Variants in TLE2 observed in about 807,000 individuals in gnomAD.
TLE2 encodes the protein transducin-like enhancer protein 2.
In TLE2, 74 loss-of-function variants were observed where a neutral mutation model predicts 97.2. The observed-to-expected ratio is 0.76, with a 90% CI of 0.63 to 0.92. The LOEUF (loss-of-function observed/expected upper bound fraction) is 0.92, where lower values mean the gene tolerates loss of function less well. TLE2 is among the 40% of genes least tolerant of loss of function. TLE2 has a pLI of 0.00. For synonymous variants in TLE2, 499 were observed against 432.1 expected (o/e 1.15, Z -1.92); for missense variants, 1,038 against 1,008.7 (o/e 1.03, Z -0.39).
At chr19:3,043,492 T>C (rs2090119835) in intron 1 of TLE2, among the ~76,000 whole-genome samples, 1 of 151,768 alleles carries the variant, frequency 6.6e-6, no homozygotes, top group African/African-American at 2.4e-5. Flanking sequence ...TCTGCAGCTT[T>C]TAATATCAGA....
Position 3,019,881 on chromosome 19 carries a change from T to C in TLE2, c.295-108A>G. ...CGCCACCCTCTCATCTTTGCCCCGG[T>C]ACTTCCCATTTCTCTTTTATCTTTT... On this transcript the variant is annotated intron_variant, in intron 5 of 19. Coordinates refer to ENST00000262953, the MANE Select transcript of TLE2 (RefSeq NM_003260.5). This position sits in a 1 kb window ranked among gnomAD's most constrained non-coding sequence, Gnocchi z 5.1. 1 of 1,370,236 alleles carries C rather than the reference T, an allele frequency of 7.3e-7. No individual in the cohort carries two copies. The highest frequency in any genetic ancestry group is 9.9e-7 in the Non-Finnish European group (1 of 1,008,014). 84.9% of individuals were successfully genotyped at this position (1,370,236 alleles called of 1,614,324 possible).
At chr19:3,041,030 T>A (rs1380986382) in intron 1 of TLE2, among the ~76,000 whole-genome samples, 32 of 104,802 alleles carry the variant, frequency 3.1e-4, no homozygotes, top group East Asian at 5.1e-4. Context: ...TTTTTTTTTT[T>A]TTTTTTTTTT....
chr19:3,034,326 G>C, intron 1 of TLE2, among the ~76,000 whole-genome samples: 1 of 151,394 alleles, frequency 6.6e-6, no homozygotes, highest in East Asian at 2.0e-4. Flanking sequence ...TTGGAGCCTG[G>C]CCCTCCTTCC....
chr19:3,016,039 C>G (rs951114620), intron 8 of TLE2: 5 of 518,164 alleles, frequency 9.6e-6, no homozygotes, highest in African/African-American at 1.9e-5. Context: ...CGGGTTCAAG[C>G]GATCCTCCTG....
At position 3,013,797 on chromosome 19, in the gene TLE2, T is replaced by TG; in HGVS notation, c.744dup (p.Ser249GlnfsTer30). On this transcript the variant is annotated frameshift_variant, in exon 11 of 20. Transcript: ENST00000262953. LOFTEE classifies it high-confidence loss of function. Reference sequence around the variant, plus strand: ...TTTCCGCAGGGGGTGGTAGCCGGGCTGGGGGGCTCTGAGGGTTGGTCCTGG... The same window carrying TG: ...TTTCCGCAGGGGGTGGTAGCCGGGCTGGGGGGGCTCTGAGGGTTGGTCCTGG... 4.5e-6 allele frequency: 7 copies of TG among 1,550,584 alleles called. No homozygotes were observed. Among genetic ancestry groups the TG allele is most frequent in the South Asian group, 2.5e-5 (2 of 81,402 alleles).
At chr19:3,018,150 G>A (rs1052270887) in intron 7 of TLE2, among the ~76,000 whole-genome samples, 6 of 152,180 alleles carry the variant, frequency 3.9e-5, no homozygotes, top group South Asian at 4.1e-4. Flanking sequence ...CACACTTTAC[G>A]AGTTGGGGTC....
chr19:3,011,563 C>A (rs2089597595), intron 11 of TLE2, among the ~76,000 whole-genome samples: 1 of 143,592 alleles, frequency 7.0e-6, no homozygotes, highest in Non-Finnish European at 1.5e-5. Flanking sequence ...CTCAAAACAA[C>A]AACAGGCCAG....
chr19:3,013,150 A>C (rs1055177956), intron 11 of TLE2, among the ~76,000 whole-genome samples: 1 of 152,124 alleles, frequency 6.6e-6, no homozygotes, highest in Non-Finnish European at 1.5e-5. Context: ...GAGCTGCAAA[A>C]GGAGCTGAAT....
At chr19:3,007,169 A>G (rs1195927561) in intron 14 of TLE2, among the ~76,000 whole-genome samples, 1 of 140,240 alleles carries the variant, frequency 7.1e-6, no homozygotes, top group Non-Finnish European at 1.6e-5. Context: ...CTCACTGCAA[A>G]CTCTGCTTCC....
chr19:3,009,788 T>C, intron 12 of TLE2, 86 bp from the exon 13 acceptor site: 5 of 1,506,258 alleles, frequency 3.3e-6, no homozygotes, highest in Non-Finnish European at 2.7e-6. Flanking sequence ...TGGCCTTTCA[T>C]TTAGAGTTTC....
At chr19:3,029,358 G>A (rs1481752147), upstream of TLE2, among the ~76,000 whole-genome samples, 2 of 107,166 alleles carry the variant, frequency 1.9e-5, no homozygotes, top group Non-Finnish European at 4.1e-5. Context: ...GCCCACCCCC[G>A]CGCACCGCCC....
At chr19:3,002,915 T>C (rs1051475219) in intron 17 of TLE2, among the ~76,000 whole-genome samples, 1 of 152,066 alleles carries the variant, frequency 6.6e-6, no homozygotes, top group African/African-American at 2.4e-5. Flanking sequence ...GCCAGGCTGG[T>C]CTCAAACTGC....
At position 3,019,414 on chromosome 19, in the gene TLE2, G is replaced by C; in HGVS notation, c.419C>G (p.Pro140Arg). The C allele has an allele frequency of 1.3e-6, 2 of 1,538,332 alleles. No homozygotes were observed. The highest frequency in any genetic ancestry group is 1.9e-4 in the Middle Eastern group (1 of 5,398). ...GCCGCCCACCAGCCCGGCTGGGCGG[G>C]GGGTGAGGGGCACAGGGGGTGCGTG... is the stretch of plus-strand genomic sequence containing the variant. The part of the protein sequence containing the change: ...SHHAPPVPLT[P>R]RPAGLVGGSA... The change falls in exon 7 of 20, where the codon CCC becomes CGC. Residue 140 changes from proline (P) to arginine (R), a missense_variant. Coordinates refer to ENST00000262953, the MANE Select transcript of TLE2 (RefSeq NM_003260.5). The surrounding 1 kb of genome is among the most constrained non-coding windows in gnomAD (Gnocchi z 5.1).
In TLE2 at chr19:3,002,337, G is replaced by T. The variant is rs200649153; in HGVS notation, c.2047+16C>A. On this transcript the variant is annotated intron_variant, in intron 18 of 19. Transcript: ENST00000262953. ...TGGGGTTTTGAGGGCGTGCCACCCC[G>T]CCCCAGAAGACACACCGCAGGAGGC... The T allele has an allele frequency of 2.5e-6, 4 of 1,589,854 alleles. No homozygotes were observed. Among genetic ancestry groups the T allele is most frequent in the Admixed American group, 1.8e-5 (1 of 56,026 alleles).
chr19:3,006,331 C>A (rs1009879622), intron 15 of TLE2, 89 bp downstream of exon 15: 30 of 1,523,056 alleles, frequency 2.0e-5, no homozygotes, highest in Non-Finnish European at 2.5e-5. Context: ...GTAGCCCCAC[C>A]CACGGCCAGC....
In TLE2 at chr19:2,999,235, T is replaced by C. The variant is rs373185725; in HGVS notation, c.2125-1280A>G. 3.3e-5 allele frequency among the ~76,000 whole-genome samples: 5 copies of C among 151,800 alleles called. No homozygotes were observed. The South Asian group carries it at 6.2e-4, about 19-fold the overall frequency. On this transcript the variant is annotated intron_variant, in intron 19 of 19. Coordinates refer to ENST00000262953, the MANE Select transcript of TLE2 (RefSeq NM_003260.5). ...AGGTGGAGGCTGCAGTGAGCTGAGA[T>C]TGCGCCACTGCACTCCAGGCTGGGC... is the stretch of plus-strand genomic sequence containing the variant.
intron 19 of TLE2, among the ~76,000 whole-genome samples, chr19:2,999,588 G>A (rs1420147187): frequency 6.6e-6 from 1 of 151,832 alleles, no homozygotes; most frequent in African/African-American, 2.4e-5. Flanking sequence ...TTAGCCAGGT[G>A]TGGTGGCGGG....
At chr19:3,028,677 C>T in intron 2 of TLE2, 29 bp downstream of exon 2, 1 of 1,610,888 alleles carries the variant, frequency 6.2e-7, no homozygotes, top group Non-Finnish European at 8.5e-7. Flanking sequence ...CAGGTGAACT[C>T]CCGCGGCCCC....
intron 9 of TLE2, 57 bp downstream of exon 9, chr19:3,015,596 G>T: frequency 7.1e-7 from 1 of 1,417,236 alleles, no homozygotes; most frequent in Non-Finnish European, 9.7e-7. Context: ...GCTCTGAGGG[G>T]CCAGGCTGGT....
Sources: gnomAD v4.1 joint callset for allele counts (sites outside exome capture counted in the v4.1 genomes callset) on GRCh38, gnomAD v4.1.1 for gene constraint, Gnocchi (gnomAD v3.1) non-coding constraint, MANE v1.5 for transcripts, NCBI Gene and HGNC (gene_info 2026-07-23, HGNC 2026-07-21) for gene names.